PIK3C2G: variants seen among roughly 807,000 people sequenced by gnomAD.
The protein encoded by PIK3C2G is phosphatidylinositol-4-phosphate 3-kinase catalytic subunit type 2 gamma, also known as phosphatidylinositol 3-kinase C2 domain-containing subunit gamma.
A neutral mutation model predicts 181.1 loss-of-function variants in PIK3C2G; 168 were observed. The ratio of observed to expected loss-of-function variants is 0.93; its 90% confidence interval spans 0.82 to 1.05. The LOEUF is 1.05. Ranked by LOEUF, PIK3C2G falls within the 50% of genes least tolerant of loss-of-function variation. PIK3C2G has a pLI of 0.00. For missense variants in PIK3C2G, 1,869 were observed against 1,732.8 expected, an observed-to-expected ratio of 1.08 and a Z score of -1.40; for synonymous variants, 573 against 592.2, an observed-to-expected ratio of 0.97 and a Z score of 0.47.
upstream of PIK3C2G, among the ~76,000 whole-genome samples, chr12:18,259,931 G>A (rs11043984): frequency 0.079 from 11,974 of 152,066 alleles, 1,069 homozygotes; most frequent in East Asian, 0.47. Flanking sequence ...AAGCTTAATT[G>A]TTCTCTGGAT....
intron 18 of PIK3C2G, among the ~76,000 whole-genome samples, chr12:18,479,236 G>C (rs1420514954): frequency 6.6e-6 from 1 of 151,998 alleles, no homozygotes; most frequent in Non-Finnish European, 1.5e-5. Flanking sequence ...TTAGGAACCA[G>C]GAAGCAAGAG....
At chr12:18,356,437 C>G (rs947086010) in intron 11 of PIK3C2G, among the ~76,000 whole-genome samples, 3 of 152,038 alleles carry the variant, frequency 2.0e-5, no homozygotes, top group African/African-American at 4.8e-5. Context: ...CATGTGGCCC[C>G]GTGGCAGCAT....
chr12:18,378,599 A>G (rs941458830), intron 13 of PIK3C2G, among the ~76,000 whole-genome samples: 2 of 152,202 alleles, frequency 1.3e-5, no homozygotes, highest in African/African-American at 4.8e-5. Flanking sequence ...AATGGGAGAA[A>G]ATTTTTGCAA....
rs139584717 is a variant in PIK3C2G, at chr12:18,403,145, C to T, written c.2315+3298C>T. On this transcript the variant is annotated intron_variant, in intron 16 of 32. Coordinates refer to ENST00000538779, the MANE Select transcript of PIK3C2G (RefSeq NM_001288772.2). ...TAAAATTGTAAATAGGAGCACTTAG[C>T]GATCTCGGTCATGCTCAGATGTTTC... 1.2e-4 allele frequency among the ~76,000 whole-genome samples: 18 copies of T among 152,198 alleles called. No homozygotes were observed. The East Asian group carries it at 1.9e-3, about 16-fold the overall frequency.
intron 1 of PIK3C2G, among the ~76,000 whole-genome samples, chr12:18,275,023 G>A (rs1264149639): frequency 6.6e-6 from 1 of 152,080 alleles, no homozygotes; most frequent in East Asian, 1.9e-4. Context: ...TTATTCTCCA[G>A]TATTTATTTT....
chr12:18,612,312 A>G (rs1446137400), intron 31 of PIK3C2G, among the ~76,000 whole-genome samples: 1 of 152,100 alleles, frequency 6.6e-6, no homozygotes, highest in Non-Finnish European at 1.5e-5. Context: ...GTAAAGTCCT[A>G]TCTGACTCCC....
chr12:18,719,659 A>C, the PIK3C2G span: 1 of 1,491,918 alleles, frequency 6.7e-7, no homozygotes, highest in Non-Finnish European at 9.1e-7. Flanking sequence ...AAATAAGTTA[A>C]AAGGATGCAA....
intron 29 of PIK3C2G, among the ~76,000 whole-genome samples, chr12:18,585,092 C>T (rs1946702573): frequency 6.6e-6 from 1 of 152,114 alleles, no homozygotes. Context: ...CAGAAACACA[C>T]TTAAGTACAC....
intron 16 of PIK3C2G, among the ~76,000 whole-genome samples, chr12:18,417,642 C>G (rs1945255236): frequency 6.6e-6 from 1 of 151,908 alleles, no homozygotes; most frequent in Admixed American, 6.6e-5. Context: ...TTCTTAGCAA[C>G]AAAGTATTTT....
the PIK3C2G span, chr12:18,683,332 A>T: frequency 6.2e-7 from 1 of 1,611,698 alleles, no homozygotes; most frequent in Non-Finnish European, 8.5e-7. Flanking sequence ...AACCTGCAAA[A>T]GGAATTATAT....
intron 13 of PIK3C2G, among the ~76,000 whole-genome samples, chr12:18,376,087 G>T (rs1275900169): frequency 1.3e-5 from 2 of 152,198 alleles, no homozygotes; most frequent in Non-Finnish European, 2.9e-5. Context: ...ATAAATATGG[G>T]GTTGGATTCC....
chr12:18,440,588 G>A (rs1043846076), intron 18 of PIK3C2G, among the ~76,000 whole-genome samples: 1 of 152,114 alleles, frequency 6.6e-6, no homozygotes, highest in African/African-American at 2.4e-5. Context: ...AGGATGCCAG[G>A]AAGAAGTAAT....
the PIK3C2G span, chr12:18,701,566 C>A: frequency 6.2e-7 from 1 of 1,613,826 alleles, no homozygotes; most frequent in South Asian, 1.1e-5. Context: ...TCTTGATTGT[C>A]TCCTAAAACA....
At chr12:18,531,799 T>G (rs918670879) in intron 24 of PIK3C2G, among the ~76,000 whole-genome samples, 1 of 152,232 alleles carries the variant, frequency 6.6e-6, no homozygotes, top group African/African-American at 2.4e-5. Context: ...ACATCTTAGT[T>G]GTTTGCATTT....
At chr12:18,386,441 C>T (rs1391378989) in intron 14 of PIK3C2G, among the ~76,000 whole-genome samples, 2 of 152,166 alleles carry the variant, frequency 1.3e-5, no homozygotes, top group African/African-American at 2.4e-5. Flanking sequence ...TTAGCTCTCA[C>T]CTCCTATTCC....
At chr12:18,706,544 G>A in the PIK3C2G span, among the ~76,000 whole-genome samples, 1,030 of 152,270 alleles carry the variant, frequency 6.8e-3, 11 homozygotes, top group African/African-American at 0.023. Context: ...TTAAGTGAAG[G>A]TGGCTCTACA....
intron 18 of PIK3C2G, among the ~76,000 whole-genome samples, chr12:18,463,891 G>A (rs781566594): frequency 1.3e-5 from 2 of 152,170 alleles, no homozygotes; most frequent in Non-Finnish European, 2.9e-5. Flanking sequence ...AGATCAAACA[G>A]GCCCTTCACT....
chr12:18,517,637 G>A (rs1219641568), intron 24 of PIK3C2G, among the ~76,000 whole-genome samples: 1 of 152,142 alleles, frequency 6.6e-6, no homozygotes, highest in African/African-American at 2.4e-5. Context: ...TTGGGGCTGA[G>A]ATGATGGGGT....
chr12:18,321,524 T>C (rs1408558619), intron 7 of PIK3C2G, among the ~76,000 whole-genome samples: 1 of 152,208 alleles, frequency 6.6e-6, no homozygotes, highest in Non-Finnish European at 1.5e-5. Context: ...CATGTATTAT[T>C]TGGAAGAACA....
Sources: allele counts gnomAD v4.1 joint callset (sites outside exome capture counted in the v4.1 genomes callset), GRCh38; gene constraint gnomAD v4.1.1; transcripts MANE v1.5; gene names NCBI Gene and HGNC (gene_info 2026-07-23, HGNC 2026-07-21).